Variants in HHAT observed in about 807,000 individuals in gnomAD.
HHAT encodes the protein hedgehog acyltransferase.
In HHAT, 47 loss-of-function variants were observed where a neutral mutation model predicts 70.8. The ratio of observed to expected loss-of-function variants is 0.66; its 90% CI spans 0.53 to 0.85. The LOEUF (loss-of-function observed/expected upper bound fraction) is 0.85. Ranked by LOEUF, HHAT falls within the 40% of genes least tolerant of loss-of-function variation. The pLI is 0.00. For synonymous variants in HHAT, 228 were observed against 247.6 expected (o/e 0.92, Z 0.74); for missense variants, 609 against 604.8 (o/e 1.01, Z -0.07).
chr1:210,425,763 G>A (rs1282522313), intron 7 of HHAT, among the ~76,000 whole-genome samples: 8 of 152,122 alleles, frequency 5.3e-5, no homozygotes, highest in Admixed American at 5.2e-4. Flanking sequence ...GTTATTTGAA[G>A]TTGGGTAGCA....
At chr1:210,421,519 C>A (rs1039573807) in intron 7 of HHAT, among the ~76,000 whole-genome samples, 9 of 152,200 alleles carry the variant, frequency 5.9e-5, no homozygotes, top group African/African-American at 2.2e-4. Context: ...GATCTCAACT[C>A]ACTGCAACCT....
intron 7 of HHAT, among the ~76,000 whole-genome samples, chr1:210,442,934 T>C (rs898378098): frequency 2.6e-5 from 4 of 151,926 alleles, no homozygotes; most frequent in Admixed American, 2.6e-4. Flanking sequence ...CCCATGCCTA[T>C]GTCCTGAATG....
At chr1:210,551,909 C>T (rs2095531030) in intron 9 of HHAT, among the ~76,000 whole-genome samples, 1 of 152,196 alleles carries the variant, frequency 6.6e-6, no homozygotes, top group African/African-American at 2.4e-5. Context: ...ATTTGTGCCT[C>T]AGTGATGATT....
intron 4 of HHAT, among the ~76,000 whole-genome samples, chr1:210,399,358 G>A (rs146668126): frequency 0.012 from 1,838 of 152,228 alleles, 46 homozygotes; most frequent in African/African-American, 0.041. Context: ...CCGAGTTCCA[G>A]GGATTCTCCT....
intron 8 of HHAT, among the ~76,000 whole-genome samples, chr1:210,488,263 A>T: frequency 6.6e-6 from 1 of 151,994 alleles, no homozygotes; most frequent in South Asian, 2.1e-4. Flanking sequence ...TCAAGTCTTG[A>T]CTCACATATC....
intron 3 of HHAT, among the ~76,000 whole-genome samples, chr1:210,375,493 C>T (rs1030841528): frequency 1.8e-4 from 27 of 152,266 alleles, no homozygotes; most frequent in Middle Eastern, 3.4e-3. Flanking sequence ...CTTTCCACCT[C>T]CCCATTTCAT....
intron 9 of HHAT, among the ~76,000 whole-genome samples, chr1:210,517,374 G>A (rs1177663112): frequency 2.6e-5 from 4 of 152,006 alleles, no homozygotes; most frequent in Non-Finnish European, 1.5e-5. Flanking sequence ...CGATCCTCCC[G>A]CAGTGCTGGG....
chr1:210,548,750 C>T (rs2095504492), intron 9 of HHAT, among the ~76,000 whole-genome samples: 1 of 152,184 alleles, frequency 6.6e-6, no homozygotes, highest in Admixed American at 6.5e-5. Flanking sequence ...ATTACAGAAG[C>T]ATATGGAATT....
At chr1:210,337,487 T>C (rs1211324325) in intron 1 of HHAT, among the ~76,000 whole-genome samples, 2 of 152,306 alleles carry the variant, frequency 1.3e-5, no homozygotes, top group East Asian at 3.9e-4. Flanking sequence ...GCAGGGTTCA[T>C]TTGTTCTGAA....
At chr1:210,416,508 T>C (rs2092725041) in intron 6 of HHAT, among the ~76,000 whole-genome samples, 1 of 152,254 alleles carries the variant, frequency 6.6e-6, no homozygotes, top group South Asian at 2.1e-4. Context: ...TGAACGAAAT[T>C]GAATTCACTT....
intron 10 of HHAT, among the ~76,000 whole-genome samples, chr1:210,597,293 A>T (rs1212404608): frequency 6.6e-6 from 1 of 152,216 alleles, no homozygotes; most frequent in Non-Finnish European, 1.5e-5. Context: ...CTAGCACAGT[A>T]CTGGGTCTTG....
At chr1:210,639,875 C>T (rs1672654671) in intron 11 of HHAT, among the ~76,000 whole-genome samples, 1 of 152,128 alleles carries the variant, frequency 6.6e-6, no homozygotes, top group Admixed American at 6.5e-5. Flanking sequence ...ATTTAAAATG[C>T]AGAGTCCTGA....
chr1:210,406,737 C>T (rs1023418890), intron 6 of HHAT, among the ~76,000 whole-genome samples: 8 of 152,100 alleles, frequency 5.3e-5, no homozygotes, highest in African/African-American at 1.7e-4. Context: ...AGGCCTCTAG[C>T]AGGGTCCTGT....
intron 9 of HHAT, among the ~76,000 whole-genome samples, chr1:210,555,128 A>T (rs780085710): frequency 7.2e-5 from 11 of 152,204 alleles, no homozygotes; most frequent in African/African-American, 2.7e-4. Flanking sequence ...TTTTCCACAA[A>T]ATCCTGGCAT....
At chr1:210,459,230 G>A (rs150419606) in intron 7 of HHAT, among the ~76,000 whole-genome samples, 102 of 152,240 alleles carry the variant, frequency 6.7e-4, no homozygotes, top group African/African-American at 2.4e-3. Context: ...CAGAAGACTC[G>A]TTGATTTGGT....
At chr1:210,416,825 A>G (rs2092734825) in intron 6 of HHAT, among the ~76,000 whole-genome samples, 2 of 152,208 alleles carry the variant, frequency 1.3e-5, no homozygotes, top group Admixed American at 1.3e-4. Flanking sequence ...ATAGATATTA[A>G]CTACCAAGTA....
intron 9 of HHAT, among the ~76,000 whole-genome samples, chr1:210,552,483 G>A (rs776667726): frequency 5.3e-5 from 8 of 152,178 alleles, no homozygotes; most frequent in East Asian, 3.9e-4. Context: ...GCAAGTGCTC[G>A]TGGGATGGAC....
chr1:210,377,663 A>T (rs1381105578), intron 3 of HHAT, among the ~76,000 whole-genome samples: 2 of 152,234 alleles, frequency 1.3e-5, no homozygotes, highest in Non-Finnish European at 2.9e-5. Context: ...ACGCAAAATA[A>T]CTTACCCATG....
chr1:210,441,223 G>C (rs973450658), intron 7 of HHAT, among the ~76,000 whole-genome samples: 2 of 152,206 alleles, frequency 1.3e-5, no homozygotes, highest in African/African-American at 2.4e-5. Context: ...AGGGACTGTG[G>C]TCAAGTTTCA....
Sources: allele counts gnomAD v4.1 joint callset (sites outside exome capture counted in the v4.1 genomes callset), GRCh38; gene constraint gnomAD v4.1.1; transcripts MANE v1.5; gene names NCBI Gene and HGNC (gene_info 2026-07-23, HGNC 2026-07-21).